GRIK2: variants seen among roughly 807,000 people sequenced by gnomAD.
The protein encoded by GRIK2 is glutamate ionotropic receptor kainate type subunit 2.
Under a neutral mutation model 100.3 loss-of-function variants are expected in GRIK2, and 32 were observed. The ratio of observed to expected loss-of-function variants is 0.32; its 90% confidence interval spans 0.24 to 0.43. GRIK2 has a LOEUF of 0.43. Among genes scored for constraint, GRIK2 ranks in the 20% least tolerant of loss-of-function variants. The pLI, the probability that GRIK2 is intolerant of heterozygous loss-of-function variation, is 1.00. For missense variants in GRIK2, 843 were observed against 1,114.9 expected (o/e 0.76, Z 3.47); for synonymous variants, 417 against 389.4 (o/e 1.07, Z -0.83).
chr6:101,424,424 GT>G (rs534388177), intron 2 of GRIK2, among the ~76,000 whole-genome samples: 1 of 150,984 alleles, frequency 6.6e-6, no homozygotes, highest in East Asian at 2.0e-4. Flanking sequence ...GTGGTGTTTG[GT>G]TTTTTGTCCT....
At chr6:101,663,784 C>T (rs1301433442) in intron 4 of GRIK2, among the ~76,000 whole-genome samples, 1 of 151,946 alleles carries the variant, frequency 6.6e-6, no homozygotes, top group East Asian at 1.9e-4. Context: ...GTCTGTGTGC[C>T]CAGAATCCCT....
chr6:101,962,378 C>G (rs779582347), intron 14 of GRIK2, among the ~76,000 whole-genome samples: 5 of 151,940 alleles, frequency 3.3e-5, no homozygotes, highest in Non-Finnish European at 5.9e-5. Context: ...TAATGTTATT[C>G]CATTGTAGCA....
intron 4 of GRIK2, among the ~76,000 whole-genome samples, chr6:101,639,701 A>G (rs1303707407): frequency 6.6e-6 from 1 of 152,186 alleles, no homozygotes; most frequent in Non-Finnish European, 1.5e-5. Flanking sequence ...TTTTAAATAT[A>G]TAGTATATAT....
intron 12 of GRIK2, among the ~76,000 whole-genome samples, chr6:101,919,649 A>T (rs541986776): frequency 6.6e-6 from 1 of 151,884 alleles, no homozygotes; most frequent in South Asian, 2.1e-4. Flanking sequence ...GTGTTAAGTG[A>T]TTAAGGAAGA....
intron 4 of GRIK2, among the ~76,000 whole-genome samples, chr6:101,671,735 G>T (rs1171196878): frequency 1.3e-5 from 2 of 152,056 alleles, no homozygotes; most frequent in Non-Finnish European, 2.9e-5. Context: ...GTGATGGTGG[G>T]CACCTGTAAT....
At chr6:101,653,391 C>G (rs531676694) in intron 4 of GRIK2, among the ~76,000 whole-genome samples, 1 of 151,944 alleles carries the variant, frequency 6.6e-6, no homozygotes, top group South Asian at 2.1e-4. Context: ...TCCTCACCCC[C>G]ACCCTGCGCC....
intron 14 of GRIK2, among the ~76,000 whole-genome samples, chr6:102,001,237 G>A (rs1051078637): frequency 6.7e-6 from 1 of 148,426 alleles, no homozygotes; most frequent in Non-Finnish European, 1.5e-5. Context: ...TGTGCAGAAC[G>A]TGCATGTTTG....
intron 4 of GRIK2, among the ~76,000 whole-genome samples, chr6:101,646,477 C>A (rs1781532455): frequency 6.6e-6 from 1 of 151,762 alleles, no homozygotes; most frequent in Non-Finnish European, 1.5e-5. Context: ...TATGTATTAT[C>A]TTGACTATGG....
At chr6:101,438,995 C>A (rs1478446195) in intron 2 of GRIK2, among the ~76,000 whole-genome samples, 1 of 152,044 alleles carries the variant, frequency 6.6e-6, no homozygotes, top group Non-Finnish European at 1.5e-5. Flanking sequence ...AACTTGGTGT[C>A]CGTTACTTTC....
chr6:101,949,865 A>G (rs1378388894), intron 14 of GRIK2, among the ~76,000 whole-genome samples: 1 of 152,130 alleles, frequency 6.6e-6, no homozygotes, highest in African/African-American at 2.4e-5. Context: ...TCCTTTGGGT[A>G]TATACCTAGT....
intron 14 of GRIK2, among the ~76,000 whole-genome samples, chr6:101,989,714 T>C (rs990564952): frequency 6.6e-6 from 1 of 151,572 alleles, no homozygotes; most frequent in African/African-American, 2.4e-5. Context: ...CAATACACCA[T>C]GGAGCTAAAA....
At chr6:101,491,142 T>C (rs751781283) in intron 2 of GRIK2, among the ~76,000 whole-genome samples, 3 of 151,648 alleles carry the variant, frequency 2.0e-5, no homozygotes, top group Non-Finnish European at 4.4e-5. Flanking sequence ...GAATGCATCA[T>C]CCATAAAGCT....
At chr6:102,004,327 A>G (rs929057628) in intron 14 of GRIK2, among the ~76,000 whole-genome samples, 4 of 144,218 alleles carry the variant, frequency 2.8e-5, no homozygotes, top group African/African-American at 1.0e-4. Flanking sequence ...ACCTCAGATC[A>G]TAATAACAAA....
intron 7 of GRIK2, among the ~76,000 whole-genome samples, chr6:101,767,432 T>A (rs1323818115): frequency 6.6e-6 from 1 of 152,200 alleles, no homozygotes; most frequent in Non-Finnish European, 1.5e-5. Flanking sequence ...GATAGATGGA[T>A]AAGATATACT....
chr6:101,666,108 T>G (rs780991679), intron 4 of GRIK2, among the ~76,000 whole-genome samples: 1 of 152,120 alleles, frequency 6.6e-6, no homozygotes, highest in Non-Finnish European at 1.5e-5. Context: ...AAGATTACTC[T>G]CAAGTTTGAT....
At chr6:102,040,299 ATATTT>A (rs1439902142) in intron 15 of GRIK2, among the ~76,000 whole-genome samples, 1 of 151,552 alleles carries the variant, frequency 6.6e-6, no homozygotes, top group African/African-American at 2.4e-5. Flanking sequence ...ATATTAGGGT[ATATTT>A]TATTTAGTAA....
At chr6:101,395,795 A>G (rs1774979841) in intron 1 of GRIK2, among the ~76,000 whole-genome samples, 1 of 151,954 alleles carries the variant, frequency 6.6e-6, no homozygotes, top group African/African-American at 2.4e-5. Context: ...TTTGAGGTAT[A>G]CTTCTAAATA....
At chr6:101,474,240 G>A (rs536545508) in intron 2 of GRIK2, among the ~76,000 whole-genome samples, 52 of 151,272 alleles carry the variant, frequency 3.4e-4, no homozygotes, top group Non-Finnish European at 6.4e-4. Flanking sequence ...AACTGACTGA[G>A]TAAATTATAA....
intron 7 of GRIK2, among the ~76,000 whole-genome samples, chr6:101,789,642 T>G (rs1381812383): frequency 1.3e-5 from 2 of 152,230 alleles, no homozygotes; most frequent in African/African-American, 4.8e-5. Flanking sequence ...GGTAATGTGA[T>G]GCCTCCAGCT....
Sources: allele counts gnomAD v4.1 joint callset (sites outside exome capture counted in the v4.1 genomes callset), GRCh38; gene constraint gnomAD v4.1.1; transcripts MANE v1.5; gene names NCBI Gene and HGNC (gene_info 2026-07-23, HGNC 2026-07-21).